Variants in TLE5 observed in about 807,000 individuals in gnomAD.
TLE5 encodes the protein TLE family member 5, transcriptional modulator, also known as TLE family member 5.
In TLE5, 7 loss-of-function variants were observed where a neutral mutation model predicts 25.8. The ratio of observed to expected loss-of-function variants is 0.27; its 90% CI spans 0.15 to 0.51. The LOEUF (loss-of-function observed/expected upper bound fraction) is 0.51. Ranked by LOEUF, TLE5 falls within the 20% of genes least tolerant of loss-of-function variation. The pLI, the probability that TLE5 is intolerant of heterozygous loss-of-function variation, is 0.97. For synonymous variants in TLE5, 132 were observed against 110.5 expected (o/e 1.20, Z -1.22); for missense variants, 149 against 250.7 (o/e 0.59, Z 2.74).
At chr19:3,057,496 T>C in intron 3 of TLE5, 183 bp downstream of exon 3, 2 of 615,432 alleles carry the variant, frequency 3.2e-6, no homozygotes, top group Non-Finnish European at 2.8e-6. Context: ...GCCTCGGCCA[T>C]CTGCCAGGCT....
rs1259499773 is a variant in TLE5 at position 3,053,506 on chromosome 19, G to A, written c.*313C>T. On this transcript the variant is annotated 3_prime_UTR_variant, in exon 7 of 7. Coordinates refer to ENST00000327141, the MANE Select transcript of TLE5 (RefSeq NM_001130.6). ...ACGGGGGAAGGGCCGGGGCTGCTGC[G>A]CTTCGCGAGGTCTTGCTCCCTTGGG... 1.6e-5 allele frequency: 7 copies of A among 432,998 alleles called. No homozygotes were observed. Among genetic ancestry groups the A allele is most frequent in the Admixed American group, 1.2e-4 (3 of 25,548 alleles). 26.8% of individuals were successfully genotyped at this position (432,998 alleles called of 1,614,324 possible).
intron 2 of TLE5, among the ~76,000 whole-genome samples, chr19:3,059,127 G>C (rs2090243581): frequency 6.6e-6 from 1 of 152,190 alleles, no homozygotes; most frequent in African/African-American, 2.4e-5. Context: ...CACCGGAGAA[G>C]AGTGTGCCGG....
chr19:3,062,204 AATCGCGGCGGGGGGCGCGGGCTGC>A lies in TLE5; in HGVS notation c.-28_-5del, dbSNP rs1352785555. 1 of 1,139,820 alleles carries A rather than the reference AATCGCGGCGGGGGGCGCGGGCTGC, an allele frequency of 8.8e-7. No individual in the cohort carries two copies. Among genetic ancestry groups the A allele is most frequent in the East Asian group, 4.3e-5 (1 of 23,370 alleles). 70.6% of individuals were successfully genotyped at this position (1,139,820 alleles called of 1,614,324 possible). On this transcript the variant is annotated 5_prime_UTR_variant, in exon 1 of 7. Coordinates refer to ENST00000327141, the MANE Select transcript of TLE5 (RefSeq NM_001130.6). ...GCCTGCTTTGTGGAAACATCATGTC[AATCGCGGCGGGGGGCGCGGGCTGC>A]GCCCCGGCTGTGCGCCCCGGCTCGG...
At chr19:3,060,694 G>A (rs991801575) in intron 2 of TLE5, among the ~76,000 whole-genome samples, 9 of 152,092 alleles carry the variant, frequency 5.9e-5, no homozygotes, top group Non-Finnish European at 1.5e-5. Flanking sequence ...ATACCGCAGC[G>A]TGGCAAGCTC....
At chr19:3,057,644 C>T in intron 3 of TLE5, 35 bp downstream of exon 3, 1 of 1,608,888 alleles carries the variant, frequency 6.2e-7, no homozygotes, top group Non-Finnish European at 8.5e-7. Flanking sequence ...TGTCGCCCGC[C>T]CCCAACACTG....
chr19:3,058,457 G>C (rs1032168474), intron 2 of TLE5, among the ~76,000 whole-genome samples: 3 of 152,070 alleles, frequency 2.0e-5, no homozygotes, highest in Admixed American at 6.6e-5. Flanking sequence ...GAGGCTGAGA[G>C]GGTCTGGGGC....
At chr19:3,054,602 C>T (rs1233329885) in intron 5 of TLE5, 3 of 196,680 alleles carry the variant, frequency 1.5e-5, no homozygotes, top group Non-Finnish European at 3.1e-5. Context: ...ATCCTAGGAG[C>T]TCCAAGACTG....
At chr19:3,056,018 G>A in intron 4 of TLE5, 2 of 522,008 alleles carry the variant, frequency 3.8e-6, no homozygotes, top group Non-Finnish European at 6.7e-6. Flanking sequence ...CTGGCAGGTA[G>A]TAAGCGCTTG....
intron 6 of TLE5, 34 bp downstream of exon 6, chr19:3,054,086 T>TCGGGGGGGGCGCC: frequency 2.6e-6 from 4 of 1,512,804 alleles, no homozygotes; most frequent in Non-Finnish European, 3.6e-6. Context: ...GGCCCACCTG[T>TCGGGGGGGGCGCC]CCCCCGCCCA....
At chr19:3,057,567 G>A (rs1169463470) in intron 3 of TLE5, 112 bp downstream of exon 3, 4 of 1,031,034 alleles carry the variant, frequency 3.9e-6, no homozygotes, top group Middle Eastern at 2.0e-4. Context: ...CGATCCTCGC[G>A]CTTCCCAGGG....
In TLE5 at chr19:3,053,999, C is replaced by A. The variant is rs767417733; in HGVS notation, c.414G>T (p.Leu138=). 4.8e-5 allele frequency: 77 copies of A among 1,606,226 alleles called. 1 individual carries two copies. The South Asian group carries it at 8.1e-4, about 17-fold the overall frequency. ...CGGGTAGTGGGGTCAAGGGCAGGGC[C>A]AGGGCCTGCAGCTGGGACAGCTGGT... ...QAHQLSQLQA[L]ALPLTPLPVG... is the part of the protein sequence containing the mutation. The change falls in exon 7 of 7, where the codon CTG becomes CTT. Residue 138 remains leucine, a synonymous_variant. Coordinates refer to ENST00000327141, the MANE Select transcript of TLE5 (RefSeq NM_001130.6).
upstream of TLE5, chr19:3,062,665 C>A (rs1219500424): frequency 2.2e-6 from 3 of 1,369,210 alleles, no homozygotes; most frequent in African/African-American, 1.5e-5. Context: ...GGCCCGCCCC[C>A]GCCCCGGGCA....
At position 3,054,049 on chromosome 19, in the gene TLE5, C is replaced by T. The variant is rs202117181; in HGVS notation, c.373-9G>A. ...TGGGCTTGGAGCTGCTGCTGCAGGGCGGGGGAGGGGAACATTAGCTGCCTG... is the reference window on the plus strand; with the variant it reads ...TGGGCTTGGAGCTGCTGCTGCAGGGTGGGGGAGGGGAACATTAGCTGCCTG... On this transcript the variant is annotated splice_polypyrimidine_tract_variant and intron_variant, in intron 6 of 6. Transcript: ENST00000327141. The T allele has an allele frequency of 3.0e-4, 477 of 1,577,086 alleles. 1 individual carries two copies. The African/African-American group carries it at 4.8e-3, about 16-fold the overall frequency.
intron 1 of TLE5, among the ~76,000 whole-genome samples, chr19:3,061,895 G>A (rs1207869633): frequency 2.8e-5 from 4 of 143,926 alleles, no homozygotes; most frequent in Non-Finnish European, 6.2e-5. Flanking sequence ...TTGGGGGGGG[G>A]GGGCGCCAAG....
intron 3 of TLE5, 196 bp from the exon 4 acceptor site, chr19:3,056,552 C>T (rs369218360): frequency 2.5e-5 from 16 of 630,994 alleles, no homozygotes; most frequent in East Asian, 1.5e-4. Context: ...CATCCCAGCC[C>T]GCCCTGGAGA....
chr19:3,059,589 T>C (rs1374104983), intron 2 of TLE5, among the ~76,000 whole-genome samples: 2 of 152,098 alleles, frequency 1.3e-5, no homozygotes, highest in Non-Finnish European at 2.9e-5. Context: ...TCTTGAAAAA[T>C]AGGATGGTCT....
intron 5 of TLE5, 118 bp downstream of exon 5, chr19:3,055,544 CAG>C: frequency 3.6e-6 from 3 of 823,470 alleles, no homozygotes; most frequent in East Asian, 2.9e-5. Flanking sequence ...CAGGGAGGTC[CAG>C]AGAGGGGAGG....
chr19:3,053,628 G>C lies in TLE5; in HGVS notation c.*191C>G. The stretch of plus-strand genomic sequence containing the variant: ...GCTGCAGGGGAGGAGGAGGGAAGCC[G>C]GGAATGGGGTAGGAAGAAAGCTAGA... On this transcript the variant is annotated 3_prime_UTR_variant, in exon 7 of 7. Transcript: ENST00000327141. 1 of 631,958 alleles carries C rather than the reference G, an allele frequency of 1.6e-6. No homozygotes were observed. 39.1% of individuals were successfully genotyped at this position (631,958 alleles called of 1,614,324 possible).
At chr19:3,061,980 G>A (rs2090274504) in intron 1 of TLE5, among the ~76,000 whole-genome samples, 194 bp downstream of exon 1, 1 of 118,152 alleles carries the variant, frequency 8.5e-6, no homozygotes, top group Non-Finnish European at 1.8e-5. Flanking sequence ...GTGTCCGGGG[G>A]CCGGCGGCAG....
Sources: gnomAD v4.1 joint callset for allele counts (sites outside exome capture counted in the v4.1 genomes callset) on GRCh38, gnomAD v4.1.1 for gene constraint, MANE v1.5 for transcripts, NCBI Gene and HGNC (gene_info 2026-07-23, HGNC 2026-07-21) for gene names.